FYN: variants seen among roughly 807,000 people sequenced by gnomAD.
The protein encoded by FYN is tyrosine-protein kinase Fyn.
FYN carries 10 observed loss-of-function variants against 70.2 expected under a neutral mutation model. The ratio of observed to expected loss-of-function variants is 0.14; its 90% CI spans 0.09 to 0.24. The LOEUF is 0.24. Ranked by LOEUF, FYN falls within the 10% of genes least tolerant of loss-of-function variation. FYN has a pLI of 1.00. For missense variants in FYN, 319 were observed against 673.1 expected, an observed-to-expected ratio of 0.47 and a Z score of 5.82; for synonymous variants, 236 against 248.6, an observed-to-expected ratio of 0.95 and a Z score of 0.48.
chr6:111,840,481 G>C (rs555954418), intron 2 of FYN, among the ~76,000 whole-genome samples: 1 of 152,194 alleles, frequency 6.6e-6, no homozygotes, highest in African/African-American at 2.4e-5. Flanking sequence ...TGAAGGTATC[G>C]TGGCCCTGCT....
intron 2 of FYN, chr6:111,819,991 C>T (rs190798947): frequency 2.0e-4 from 30 of 152,250 alleles, no homozygotes; most frequent in Admixed American, 1.2e-3. Flanking sequence ...TCCAAATACC[C>T]AAGTGTTATT....
chr6:111,835,208 C>T (rs1185522412), intron 2 of FYN, among the ~76,000 whole-genome samples: 1 of 152,178 alleles, frequency 6.6e-6, no homozygotes, highest in Admixed American at 6.5e-5. Flanking sequence ...TTACCTATAA[C>T]AACCAGAGAA....
intron 3 of FYN, among the ~76,000 whole-genome samples, chr6:111,771,083 C>G (rs372032773): frequency 3.3e-5 from 5 of 152,066 alleles, no homozygotes; most frequent in Admixed American, 1.3e-4. Context: ...CCCGGTCACT[C>G]CAAACTCAAG....
chr6:111,829,736 A>T (rs1172281647), intron 2 of FYN, among the ~76,000 whole-genome samples: 1 of 152,204 alleles, frequency 6.6e-6, no homozygotes, highest in Non-Finnish European at 1.5e-5. Context: ...GTTGGAAGAG[A>T]TAACCTCAAA....
chr6:111,706,340 T>C (rs1216323660), intron 6 of FYN, among the ~76,000 whole-genome samples: 2 of 152,234 alleles, frequency 1.3e-5, no homozygotes, highest in African/African-American at 2.4e-5. Context: ...TAAAATGAAA[T>C]TTCAATTCAT....
At chr6:111,864,992 T>G (rs988526995) in intron 1 of FYN, among the ~76,000 whole-genome samples, 1 of 152,214 alleles carries the variant, frequency 6.6e-6, no homozygotes, top group Non-Finnish European at 1.5e-5. Flanking sequence ...GTGCTATTAT[T>G]TCTATGGTGT....
At chr6:111,836,023 A>T (rs1268428285) in intron 2 of FYN, among the ~76,000 whole-genome samples, 1 of 152,222 alleles carries the variant, frequency 6.6e-6, no homozygotes, top group East Asian at 1.9e-4. Flanking sequence ...TTAAAGGGCC[A>T]GGCTGAATGG....
chr6:111,759,584 A>G (rs1802909268), intron 3 of FYN, among the ~76,000 whole-genome samples: 1 of 152,046 alleles, frequency 6.6e-6, no homozygotes, highest in Non-Finnish European at 1.5e-5. Context: ...AGGACTGTGG[A>G]TCTTTTGGTT....
chr6:111,831,030 A>G (rs1562537291), intron 2 of FYN, among the ~76,000 whole-genome samples: 2 of 152,166 alleles, frequency 1.3e-5, no homozygotes, highest in Non-Finnish European at 2.9e-5. Flanking sequence ...ATAGGCACGC[A>G]GGGGTCTCAA....
intron 2 of FYN, among the ~76,000 whole-genome samples, chr6:111,807,125 T>TC (rs1238833241): frequency 1.3e-5 from 2 of 152,206 alleles, no homozygotes; most frequent in Non-Finnish European, 2.9e-5. Flanking sequence ...TAACAAGGGA[T>TC]CTACTGAGGG....
At chr6:111,662,229 A>G (rs1454462413) in intron 13 of FYN, among the ~76,000 whole-genome samples, 1 of 152,210 alleles carries the variant, frequency 6.6e-6, no homozygotes, top group Non-Finnish European at 1.5e-5. Context: ...GAAATTCTAG[A>G]AAAGGCGCAA....
Position 111,667,487 on chromosome 6 carries a change from C to G in FYN, c.1406-5540G>C, listed in dbSNP as rs947012617. ...CAGGCTGATCTTGAACTTCTGGCCT[C>G]AAGCGATCCTCCCTGCTTCAGCCTC... On this transcript the variant is annotated intron_variant, in intron 13 of 13. Transcript: ENST00000354650. Among the ~76,000 whole-genome samples, 3 of 152,096 alleles carry G rather than the reference C, an allele frequency of 2.0e-5. No homozygotes were observed. The South Asian group carries it at 6.2e-4, about 32-fold the overall frequency.
chr6:111,681,063 T>C (rs1048869211), intron 12 of FYN, among the ~76,000 whole-genome samples: 2 of 150,270 alleles, frequency 1.3e-5, no homozygotes, highest in Non-Finnish European at 3.0e-5. Context: ...AGTCTCACTC[T>C]GTTGCCCAGG....
intron 12 of FYN, among the ~76,000 whole-genome samples, chr6:111,689,702 G>C (rs1332860668): frequency 1.3e-5 from 2 of 152,168 alleles, no homozygotes; most frequent in African/African-American, 2.4e-5. Flanking sequence ...ATTCATGTCT[G>C]TGATGTTCAT....
chr6:111,728,684 CT>C (rs1363024990), intron 3 of FYN, among the ~76,000 whole-genome samples: 13 of 152,270 alleles, frequency 8.5e-5, no homozygotes, highest in African/African-American at 3.1e-4. Flanking sequence ...TACTTCATTC[CT>C]TTTTATGGCT....
intron 3 of FYN, among the ~76,000 whole-genome samples, chr6:111,759,504 C>A (rs1339552702): frequency 6.6e-6 from 1 of 152,204 alleles, no homozygotes; most frequent in Non-Finnish European, 1.5e-5. Context: ...CGGAGGCTGT[C>A]CACAACGGTG....
intron 13 of FYN, among the ~76,000 whole-genome samples, chr6:111,665,362 T>G (rs976163757): frequency 6.6e-6 from 1 of 152,218 alleles, no homozygotes; most frequent in South Asian, 2.1e-4. Flanking sequence ...TTTTTTTAAA[T>G]GGCTTTTACT....
intron 3 of FYN, among the ~76,000 whole-genome samples, chr6:111,727,387 T>G (rs1801237445): frequency 6.6e-6 from 1 of 152,206 alleles, no homozygotes; most frequent in South Asian, 2.1e-4. Flanking sequence ...TAAAATATGA[T>G]TTGCTTTACA....
In FYN at chr6:111,661,005, A is replaced by G. The variant is rs1342287436; in HGVS notation, c.*734T>C. On this transcript the variant is annotated 3_prime_UTR_variant, in exon 14 of 14. Coordinates refer to ENST00000354650, the MANE Select transcript of FYN (RefSeq NM_002037.5). This position sits in a 1 kb window ranked among gnomAD's most constrained non-coding sequence, Gnocchi z 4.0. ...GTTCCTGAAAAGAGTCAAAGTAACAACCACCTACAGGTACAGTCATGAACC... is the reference window on the plus strand; with the variant it reads ...GTTCCTGAAAAGAGTCAAAGTAACAGCCACCTACAGGTACAGTCATGAACC... 1 of 152,190 alleles carries G rather than the reference A, an allele frequency of 6.6e-6. No homozygotes were observed. The highest frequency in any genetic ancestry group is 2.4e-5 in the African/African-American group (1 of 41,440). 9.4% of individuals were successfully genotyped at this position (152,190 alleles called of 1,614,324 possible).
Sources: allele counts gnomAD v4.1 joint callset (sites outside exome capture counted in the v4.1 genomes callset), GRCh38; gene constraint gnomAD v4.1.1; non-coding constraint Gnocchi (gnomAD v3.1); transcripts MANE v1.5; gene names NCBI Gene and HGNC (gene_info 2026-07-23, HGNC 2026-07-21).